Variants in GRM8 observed in about 807,000 individuals in gnomAD.
GRM8 encodes glutamate metabotropic receptor 8, also known as metabotropic glutamate receptor 8.
GRM8 carries 47 observed loss-of-function variants against 87.2 expected under a neutral mutation model. That is an observed-to-expected ratio of 0.54 (90% CI 0.43 to 0.69). The LOEUF (loss-of-function observed/expected upper bound fraction) is 0.69. GRM8 is among the 30% of genes least tolerant of loss of function. The probability of loss-of-function intolerance (pLI) is 0.00; values close to 1 mark genes in which losing one functional copy is unlikely to be tolerated. For synonymous variants in GRM8, 396 were observed against 404.5 expected (o/e 0.98, Z 0.25); for missense variants, 1,019 against 1,139.2 (o/e 0.89, Z 1.52).
At chr7:126,731,253 C>A (rs111849818) in intron 7 of GRM8, among the ~76,000 whole-genome samples, 1,786 of 152,216 alleles carry the variant, frequency 0.012, 15 homozygotes, top group Non-Finnish European at 0.018. Flanking sequence ...TGGCCACTCT[C>A]AGGAGGACGT....
chr7:127,240,250 AAAAAC>A (rs982840422), intron 2 of GRM8, among the ~76,000 whole-genome samples: 1 of 152,114 alleles, frequency 6.6e-6, no homozygotes, highest in African/African-American at 2.4e-5. Flanking sequence ...CCCGCTGCAT[AAAAAC>A]AAAACACCCT....
At chr7:126,928,855 G>GT (rs939419234) in intron 3 of GRM8, among the ~76,000 whole-genome samples, 1 of 152,004 alleles carries the variant, frequency 6.6e-6, no homozygotes, top group Non-Finnish European at 1.5e-5. Context: ...TAAAAAGAAA[G>GT]TGTGAACACT....
intron 9 of GRM8, among the ~76,000 whole-genome samples, chr7:126,496,133 A>C (rs1263378090): frequency 1.3e-5 from 2 of 151,906 alleles, no homozygotes; most frequent in Non-Finnish European, 2.9e-5. Flanking sequence ...TTAGAGTTTC[A>C]GAGAGATTTT....
chr7:126,812,623 T>G (rs1793407160), intron 6 of GRM8, among the ~76,000 whole-genome samples: 1 of 152,002 alleles, frequency 6.6e-6, no homozygotes, highest in South Asian at 2.1e-4. Flanking sequence ...TATAGGAAAG[T>G]TGAGTGTACT....
chr7:127,232,082 A>C (rs1797717119), intron 2 of GRM8, among the ~76,000 whole-genome samples: 1 of 152,038 alleles, frequency 6.6e-6, no homozygotes, highest in Admixed American at 6.6e-5. Context: ...CTGGAACATG[A>C]GCTGATGAAG....
chr7:127,050,837 T>G (rs1217150942), intron 3 of GRM8, among the ~76,000 whole-genome samples: 1 of 152,238 alleles, frequency 6.6e-6, no homozygotes, highest in East Asian at 1.9e-4. Flanking sequence ...AAAGAAGGAA[T>G]GACTGCTTTT....
chr7:127,034,491 C>A (rs552237915), intron 3 of GRM8, among the ~76,000 whole-genome samples: 28 of 152,318 alleles, frequency 1.8e-4, no homozygotes, highest in Non-Finnish European at 2.9e-4. Flanking sequence ...GCACAAAAAA[C>A]CAACAGTTGC....
At chr7:126,804,747 G>T (rs942210446) in intron 6 of GRM8, among the ~76,000 whole-genome samples, 2 of 152,146 alleles carry the variant, frequency 1.3e-5, no homozygotes. Context: ...GTGGTAGTTG[G>T]TATGCCTCTG....
In GRM8 at chr7:127,051,739, C is replaced by CAA. The variant is rs59713382; in HGVS notation, c.727+54755_727+54756dup. 3.2e-3 allele frequency among the ~76,000 whole-genome samples: 189 copies of CAA among 58,446 alleles called. 19 individuals are homozygous for CAA. The highest frequency in any genetic ancestry group is 9.9e-3 in the African/African-American group (164 of 16,562). The allele number at this position is 58,446 out of a possible 152,430, so 38.3% of individuals were successfully genotyped here. A position where few individuals can be genotyped will look rare whatever the true frequency, so the allele number is the denominator to read the frequency against. ...GAAATCTCAAAAACATAATGTTGAG[C>CAA]AAAAAAAAAAAAAAAAAAAAAAAAA... On this transcript the variant is annotated intron_variant, in intron 3 of 10. Coordinates refer to ENST00000339582, the MANE Select transcript of GRM8 (RefSeq NM_000845.3).
chr7:126,909,005 C>T (rs1373523357), intron 3 of GRM8, among the ~76,000 whole-genome samples: 2 of 152,304 alleles, frequency 1.3e-5, no homozygotes, highest in African/African-American at 2.4e-5. Flanking sequence ...TCATATCAGT[C>T]AAAAACCAGA....
intron 2 of GRM8, among the ~76,000 whole-genome samples, chr7:127,181,918 C>G (rs1391959083): frequency 6.6e-6 from 1 of 152,048 alleles, no homozygotes; most frequent in East Asian, 1.9e-4. Flanking sequence ...AAAAACCCTT[C>G]TAGACATTGG....
chr7:127,227,643 T>C (rs996231364), intron 2 of GRM8, among the ~76,000 whole-genome samples: 1 of 152,228 alleles, frequency 6.6e-6, no homozygotes, highest in African/African-American at 2.4e-5. Context: ...AGCTTCAAAA[T>C]AGAATTTTGG....
At chr7:127,222,339 C>T (rs557924898) in intron 2 of GRM8, among the ~76,000 whole-genome samples, 21 of 152,254 alleles carry the variant, frequency 1.4e-4, no homozygotes, top group South Asian at 4.2e-4. Context: ...AACCGGGAGG[C>T]GGAGACTGTG....
chr7:126,490,792 T>C (rs559849090), intron 9 of GRM8, among the ~76,000 whole-genome samples: 1 of 152,118 alleles, frequency 6.6e-6, no homozygotes, highest in Admixed American at 6.6e-5. Flanking sequence ...CCGTCTTTTA[T>C]GCAGCTTACA....
intron 2 of GRM8, among the ~76,000 whole-genome samples, chr7:127,167,673 T>A (rs533691187): frequency 6.6e-6 from 1 of 152,268 alleles, no homozygotes; most frequent in Non-Finnish European, 1.5e-5. Context: ...TGTGCCCATA[T>A]AAAATGGCAA....
chr7:126,440,330 T>C (rs1801318034), intron 10 of GRM8, among the ~76,000 whole-genome samples: 1 of 143,596 alleles, frequency 7.0e-6, no homozygotes, highest in Non-Finnish European at 1.5e-5. Context: ...GAGAATTGCT[T>C]GAACCGAGAG....
At chr7:127,013,856 T>A (rs1267462711) in intron 3 of GRM8, among the ~76,000 whole-genome samples, 1 of 152,118 alleles carries the variant, frequency 6.6e-6, no homozygotes, top group Admixed American at 6.6e-5. Flanking sequence ...TTCAGCAACA[T>A]GCAATACAGA....
At chr7:127,236,554 C>A (rs544391862) in intron 2 of GRM8, among the ~76,000 whole-genome samples, 1 of 152,126 alleles carries the variant, frequency 6.6e-6, no homozygotes, top group Admixed American at 6.5e-5. Flanking sequence ...AACTCACTCA[C>A]TATCACGAGA....
At position 126,877,541 on chromosome 7, in the gene GRM8, T is replaced by A. The variant is rs148329090; in HGVS notation, c.1156+25001A>T. ...CATAAGTTCTATTGGACAGTGCTAG[T>A]CTAGACAACTGGACTACTCAAATTT... On this transcript the variant is annotated intron_variant, in intron 6 of 10. Transcript: ENST00000339582. 3.7e-4 allele frequency among the ~76,000 whole-genome samples: 56 copies of A among 152,366 alleles called. No individual in the cohort carries two copies. The East Asian group carries it at 9.6e-3, about 26-fold the overall frequency.
Sources: gnomAD v4.1 joint callset for allele counts (sites outside exome capture counted in the v4.1 genomes callset) on GRCh38, gnomAD v4.1.1 for gene constraint, MANE v1.5 for transcripts, NCBI Gene and HGNC (gene_info 2026-07-23, HGNC 2026-07-21) for gene names.